The following ALK variants were observed in gnomAD, a reference collection of about 807,000 sequenced individuals.
ALK encodes the protein ALK tyrosine kinase receptor.
ALK carries 74 observed loss-of-function variants against 163.1 expected under a neutral mutation model. That is an observed-to-expected ratio of 0.45 (90% confidence interval 0.38 to 0.55). ALK has a LOEUF of 0.55. Ranked by LOEUF, ALK falls within the 20% of genes least tolerant of loss-of-function variation. ALK has a pLI of 0.00. For synonymous variants in ALK, 960 were observed against 843.2 expected, an observed-to-expected ratio of 1.14 and a Z score of -2.40; for missense variants, 2,063 against 2,105.3, an observed-to-expected ratio of 0.98 and a Z score of 0.39.
At chr2:29,918,181 G>C (rs1239410212) in intron 1 of ALK, among the ~76,000 whole-genome samples, 1 of 152,168 alleles carries the variant, frequency 6.6e-6, no homozygotes, top group Non-Finnish European at 1.5e-5. Context: ...GCAGGTTCGG[G>C]GCTGTAGAAA....
chr2:29,307,377 T>C (rs943782317), intron 8 of ALK, among the ~76,000 whole-genome samples: 15 of 152,228 alleles, frequency 9.9e-5, no homozygotes, highest in Non-Finnish European at 1.8e-4. Context: ...CTGTAGTGTG[T>C]ATTTCACTTC....
chr2:29,899,675 A>C (rs979316689), intron 1 of ALK: 1 of 152,108 alleles, frequency 6.6e-6, no homozygotes, highest in South Asian at 2.1e-4. Context: ...AAATACAAAA[A>C]ATTAGTTGGG....
chr2:29,833,183 C>G (rs944026217), intron 1 of ALK, among the ~76,000 whole-genome samples: 20 of 152,190 alleles, frequency 1.3e-4, no homozygotes, highest in African/African-American at 4.1e-4. Context: ...TTCTCCTCTC[C>G]TCTGTTGGAA....
chr2:29,376,429 G>C (rs1668754293), intron 5 of ALK, among the ~76,000 whole-genome samples: 1 of 152,244 alleles, frequency 6.6e-6, no homozygotes, highest in Non-Finnish European at 1.5e-5. Context: ...CTTTAAGAAA[G>C]AGTTCTATGT....
intron 3 of ALK, among the ~76,000 whole-genome samples, chr2:29,657,994 G>C (rs941932119): frequency 3.9e-5 from 6 of 152,144 alleles, no homozygotes; most frequent in African/African-American, 1.4e-4. Context: ...CAGCTGGAGG[G>C]ATGGTGGGTG....
At chr2:29,719,484 G>A (rs970105578) in intron 1 of ALK, among the ~76,000 whole-genome samples, 1 of 152,184 alleles carries the variant, frequency 6.6e-6, no homozygotes, top group Non-Finnish European at 1.5e-5. Context: ...AAGCCACGTA[G>A]GGTTACTTTG....
chr2:29,197,458 TAAAG>T (rs1669050496), intron 27 of ALK, 80 bp downstream of exon 27: 2 of 1,589,800 alleles, frequency 1.3e-6, no homozygotes, highest in East Asian at 2.2e-5. Flanking sequence ...CCCTTCATCT[TAAAG>T]AAGCATATGT....
In ALK at chr2:29,683,195, C is replaced by T. The variant is rs138596486; in HGVS notation, c.952+11655G>A. ...AGTTCGAGACCAACCTGGTCAACAT[C>T]ATGAAACCCCGTCTCTAATAAAAAT... On this transcript the variant is annotated intron_variant, in intron 3 of 28. Transcript: ENST00000389048. 4.7e-3 allele frequency among the ~76,000 whole-genome samples: 719 copies of T among 151,948 alleles called. 8 individuals carry two copies. The highest frequency in any genetic ancestry group is 0.015 in the African/African-American group (626 of 41,446).
At chr2:29,882,641 C>T (rs1437332196) in intron 1 of ALK, among the ~76,000 whole-genome samples, 1 of 152,192 alleles carries the variant, frequency 6.6e-6, no homozygotes, top group Non-Finnish European at 1.5e-5. Flanking sequence ...TTGCAGGGAG[C>T]CGAGATTGCG....
At chr2:29,472,459 G>A (rs1346349079) in intron 4 of ALK, among the ~76,000 whole-genome samples, 1 of 152,158 alleles carries the variant, frequency 6.6e-6, no homozygotes, top group East Asian at 1.9e-4. Flanking sequence ...TGGTATCTCT[G>A]AATATCCTAC....
chr2:29,696,530 T>TAAAA (rs60320646), intron 2 of ALK, among the ~76,000 whole-genome samples: 1 of 103,846 alleles, frequency 9.6e-6, no homozygotes. Flanking sequence ...CTTAAAGGAT[T>TAAAA]AAAAAAAAAA....
intron 1 of ALK, among the ~76,000 whole-genome samples, chr2:29,875,946 A>G (rs995799226): frequency 1.3e-5 from 2 of 152,230 alleles, no homozygotes; most frequent in African/African-American, 2.4e-5. Flanking sequence ...GTATCTACCC[A>G]GTAATGGGAT....
At chr2:29,558,425 A>G (rs1673924110) in intron 3 of ALK, among the ~76,000 whole-genome samples, 1 of 151,974 alleles carries the variant, frequency 6.6e-6, no homozygotes, top group Non-Finnish European at 1.5e-5. Flanking sequence ...CATTATCTTT[A>G]CAGCTCCCTG....
intron 5 of ALK, among the ~76,000 whole-genome samples, chr2:29,357,906 G>A (rs567460281): frequency 1.3e-5 from 2 of 152,242 alleles, no homozygotes; most frequent in South Asian, 2.1e-4. Context: ...TCACTGGCTT[G>A]GCCCTTTCCT....
At chr2:29,830,823 G>A (rs570267852) in intron 1 of ALK, among the ~76,000 whole-genome samples, 7 of 145,786 alleles carry the variant, frequency 4.8e-5, no homozygotes, top group African/African-American at 1.3e-4. Flanking sequence ...AGGATCACTT[G>A]AGCCCAGGAG....
intron 1 of ALK, among the ~76,000 whole-genome samples, chr2:29,758,160 G>A (rs997139267): frequency 6.6e-6 from 1 of 151,842 alleles, no homozygotes; most frequent in Admixed American, 6.6e-5. Context: ...ACAGGCATGT[G>A]CCACCATACC....
chr2:29,375,015 C>T (rs908874039), intron 5 of ALK, among the ~76,000 whole-genome samples: 1 of 152,142 alleles, frequency 6.6e-6, no homozygotes, highest in South Asian at 2.1e-4. Flanking sequence ...CCCAGGTTGG[C>T]AGTGTGTGGC....
chr2:29,577,315 C>G (rs535599223), intron 3 of ALK, among the ~76,000 whole-genome samples: 4 of 152,298 alleles, frequency 2.6e-5, no homozygotes, highest in African/African-American at 9.6e-5. Context: ...AATAAAGATG[C>G]CTACTTCAGA....
chr2:29,466,106 T>A (rs1002481307), intron 4 of ALK, among the ~76,000 whole-genome samples: 1 of 152,178 alleles, frequency 6.6e-6, no homozygotes, highest in African/African-American at 2.4e-5. Context: ...TAATAAAACA[T>A]AGGTAAACTA....
Sources: allele counts gnomAD v4.1 joint callset (sites outside exome capture counted in the v4.1 genomes callset), GRCh38; gene constraint gnomAD v4.1.1; transcripts MANE v1.5; gene names NCBI Gene and HGNC (gene_info 2026-07-23, HGNC 2026-07-21).